PHF21A: variants seen among roughly 807,000 people sequenced by gnomAD.
PHF21A encodes BHC80a.
A neutral mutation model predicts 82.5 loss-of-function variants in PHF21A; 11 were observed. The ratio of observed to expected loss-of-function variants is 0.13; its 90% CI spans 0.08 to 0.22. The LOEUF is 0.22. Among genes scored for constraint, PHF21A ranks in the 10% least tolerant of loss-of-function variants. The pLI is 1.00. For missense variants in PHF21A, 579 were observed against 837.8 expected, an observed-to-expected ratio of 0.69 and a Z score of 3.81; for synonymous variants, 297 against 302.8, an observed-to-expected ratio of 0.98 and a Z score of 0.20.
At chr11:46,006,170 T>C (rs4301763) in intron 6 of PHF21A, among the ~76,000 whole-genome samples, 5,651 of 152,296 alleles carry the variant, frequency 0.037, 145 homozygotes, top group Middle Eastern at 0.075. Context: ...ATAGTTCCTA[T>C]AAATAAGAGC....
At chr11:45,954,046 G>C (rs2959102) in intron 10 of PHF21A, among the ~76,000 whole-genome samples, 75,505 of 151,984 alleles carry the variant, frequency 0.5, 22,175 homozygotes, top group Non-Finnish European at 0.66. Flanking sequence ...GCCCAGGCTG[G>C]AGTGCAATGG....
chr11:46,021,638 C>T (rs1182968890), intron 6 of PHF21A, among the ~76,000 whole-genome samples: 6 of 152,076 alleles, frequency 3.9e-5, no homozygotes, highest in Non-Finnish European at 8.8e-5. Context: ...AACTCTTGGG[C>T]TCAAGCGATC....
At chr11:46,057,940 GA>G (rs1209473616) in intron 6 of PHF21A, among the ~76,000 whole-genome samples, 1 of 151,990 alleles carries the variant, frequency 6.6e-6, no homozygotes, top group Non-Finnish European at 1.5e-5. Context: ...CACAAATCAA[GA>G]AAAAAAGTCT....
Position 46,099,039 on chromosome 11 carries a change from CAAG to C in PHF21A, c.-236-6819_-236-6817del, listed in dbSNP as rs544829231. Among the ~76,000 whole-genome samples the C allele has an allele frequency of 1.0e-3, 154 of 152,040 alleles. 1 individual carries two copies. The highest frequency in any genetic ancestry group is 3.4e-3 in the African/African-American group (140 of 41,478). On this transcript the variant is annotated intron_variant, in intron 1 of 18. Transcript: ENST00000676320. ...CTAGATACCAGATTTTAAAAATAAA[CAAG>C]AAGAAGTTAAACTAAAAGAACAACA...
chr11:45,993,301 G>A (rs1047137085), intron 6 of PHF21A, among the ~76,000 whole-genome samples: 2 of 152,096 alleles, frequency 1.3e-5, no homozygotes, highest in Admixed American at 1.3e-4. Flanking sequence ...GTGTGTATAA[G>A]TAATCACATA....
At chr11:45,966,614 TTTG>T (rs1383445889) in intron 9 of PHF21A, among the ~76,000 whole-genome samples, 1 of 152,112 alleles carries the variant, frequency 6.6e-6, no homozygotes, top group Admixed American at 6.5e-5. Flanking sequence ...TGTTTTTTTG[TTTG>T]TTGTTGTTGT....
intron 1 of PHF21A, among the ~76,000 whole-genome samples, chr11:46,109,580 C>T (rs1212433418): frequency 2.0e-5 from 3 of 151,790 alleles, no homozygotes; most frequent in Non-Finnish European, 4.4e-5. Context: ...TTTTTCATTC[C>T]CATGACAACA....
At chr11:46,102,334 C>T (rs1452113464) in intron 1 of PHF21A, among the ~76,000 whole-genome samples, 2 of 152,166 alleles carry the variant, frequency 1.3e-5, no homozygotes, top group African/African-American at 4.8e-5. Flanking sequence ...TCTTACCAAA[C>T]AATTATGTTA....
At chr11:46,074,467 G>GC (rs2096701090) in intron 6 of PHF21A, among the ~76,000 whole-genome samples, 3 of 150,688 alleles carry the variant, frequency 2.0e-5, no homozygotes, top group Non-Finnish European at 4.4e-5. Flanking sequence ...GCGGGAGGGG[G>GC]GAAGGCATAT....
At chr11:46,010,024 A>C (rs2095380255) in intron 6 of PHF21A, among the ~76,000 whole-genome samples, 1 of 152,198 alleles carries the variant, frequency 6.6e-6, no homozygotes, top group African/African-American at 2.4e-5. Context: ...AGAATCAAAA[A>C]TTTTGGGGAA....
chr11:46,050,308 T>C (rs535252538), intron 6 of PHF21A, among the ~76,000 whole-genome samples: 3 of 152,378 alleles, frequency 2.0e-5, no homozygotes, highest in East Asian at 3.9e-4. Context: ...TAGGGACTAA[T>C]ACCACTGGGT....
At chr11:46,032,016 A>T (rs1490309959) in intron 6 of PHF21A, among the ~76,000 whole-genome samples, 18 of 152,206 alleles carry the variant, frequency 1.2e-4, no homozygotes, top group Admixed American at 1.2e-3. Flanking sequence ...TTAGCTGATA[A>T]TTTAAAACAC....
At chr11:46,102,981 G>A (rs2097113837) in intron 1 of PHF21A, among the ~76,000 whole-genome samples, 1 of 152,178 alleles carries the variant, frequency 6.6e-6, no homozygotes, top group Admixed American at 6.5e-5. Context: ...CATCAAGAGG[G>A]TAAGCAGAGA....
intron 11 of PHF21A, among the ~76,000 whole-genome samples, chr11:45,951,882 C>T (rs1245766376): frequency 2.0e-5 from 3 of 150,654 alleles, no homozygotes; most frequent in Non-Finnish European, 2.9e-5. Context: ...TCTCGGCTCA[C>T]TGCAACCTCT....
intron 6 of PHF21A, among the ~76,000 whole-genome samples, chr11:45,998,661 C>A (rs903383443): frequency 2.0e-5 from 3 of 151,418 alleles, no homozygotes; most frequent in African/African-American, 7.3e-5. Flanking sequence ...TACAGGTATG[C>A]GCCACCATGC....
intron 10 of PHF21A, among the ~76,000 whole-genome samples, chr11:45,957,024 C>T (rs951865506): frequency 2.0e-5 from 3 of 152,040 alleles, no homozygotes; most frequent in African/African-American, 4.8e-5. Context: ...ACAACTGTTA[C>T]GAGAGACAAA....
intron 6 of PHF21A, among the ~76,000 whole-genome samples, chr11:46,024,103 G>A (rs942071376): frequency 3.3e-5 from 5 of 152,346 alleles, no homozygotes; most frequent in Admixed American, 2.6e-4. Context: ...GGGCAAGGTG[G>A]TGTCTGGGGA....
In PHF21A at chr11:45,975,218, G is replaced by A. The variant is rs191155538; in HGVS notation, c.361-3851C>T. On this transcript the variant is annotated intron_variant, in intron 7 of 18. Transcript: ENST00000676320. ...AGTCCCAACTACTTGAGAGGCTGAG[G>A]TGGAAGGATCACCTAAGCCTGGGAG... Among the ~76,000 whole-genome samples, 223 of 152,116 alleles carry A rather than the reference G, an allele frequency of 1.5e-3. 1 individual carries two copies. Among genetic ancestry groups the A allele is most frequent in the Non-Finnish European group, 1.5e-3 (101 of 68,014 alleles).
At chr11:46,039,330 C>A (rs1307502690) in intron 6 of PHF21A, among the ~76,000 whole-genome samples, 15 of 152,114 alleles carry the variant, frequency 9.9e-5, no homozygotes, top group Admixed American at 9.8e-4. Flanking sequence ...CTTCATAGAA[C>A]TGGTAATTTT....
Sources: allele counts gnomAD v4.1 joint callset (sites outside exome capture counted in the v4.1 genomes callset), GRCh38; gene constraint gnomAD v4.1.1; transcripts MANE v1.5; gene names NCBI Gene and HGNC (gene_info 2026-07-23, HGNC 2026-07-21).